Variants in PC observed in about 807,000 individuals in gnomAD.
PC encodes pyruvate carboxylase, mitochondrial.
A neutral mutation model predicts 107.8 loss-of-function variants in PC; 46 were observed. That is an observed-to-expected ratio of 0.43 (90% CI 0.34 to 0.55). The LOEUF is 0.55. Among genes scored for constraint, PC ranks in the 20% least tolerant of loss-of-function variants. PC has a pLI of 0.04. For missense variants in PC, 1,241 were observed against 1,643.1 expected (o/e 0.76, Z 4.23); for synonymous variants, 662 against 684.7 (o/e 0.97, Z 0.52).
chr11:66,956,011 G>C (rs1044092515), intron 1 of PC, among the ~76,000 whole-genome samples: 2 of 152,030 alleles, frequency 1.3e-5, no homozygotes, highest in Non-Finnish European at 2.9e-5. Context: ...GACCTCAGGT[G>C]ATCCACCCGC....
At chr11:66,895,003 CAA>C (rs1947705206) in intron 3 of PC, among the ~76,000 whole-genome samples, 1 of 137,968 alleles carries the variant, frequency 7.2e-6, no homozygotes, top group African/African-American at 2.8e-5. Flanking sequence ...GCCTGGGTGA[CAA>C]GAGTTAAAAC....
In PC at chr11:66,871,365, A is replaced by C; in HGVS notation, c.437T>G (p.Val146Gly). Residue 146 changes from valine (V) to glycine (G), a missense_variant, in exon 6 of 23, where the codon GTC becomes GGC. Transcript: ENST00000393960. The surrounding 1 kb of genome is among the most constrained non-coding windows in gnomAD (Gnocchi z 7.4). The stretch of plus-strand genomic sequence containing the variant: ...CTCCACCTTGTCTCCCATCTTGCGG[A>C]CCACTTCTGGGCTTGGCCCAATAAA... The part of the protein sequence containing the change: ...VRFIGPSPEV[V>G]RKMGDKVEAR... 1 of 1,613,784 alleles carries C rather than the reference A, an allele frequency of 6.2e-7. No individual in the cohort carries two copies. Among genetic ancestry groups the C allele is most frequent in the Non-Finnish European group, 8.5e-7 (1 of 1,180,002 alleles).
At chr11:66,910,766 G>A (rs1434020901) in intron 3 of PC, among the ~76,000 whole-genome samples, 1 of 152,162 alleles carries the variant, frequency 6.6e-6, no homozygotes, top group African/African-American at 2.4e-5. Flanking sequence ...CCAGGCCAGA[G>A]AGCAAAGGCT....
intron 3 of PC, among the ~76,000 whole-genome samples, chr11:66,924,868 T>C (rs1375194130): frequency 6.6e-6 from 1 of 152,194 alleles, no homozygotes; most frequent in Non-Finnish European, 1.5e-5. Flanking sequence ...GTCAGGTAGG[T>C]TCTTTTCTAT....
At chr11:66,936,103 C>T (rs1948995721) in intron 3 of PC, among the ~76,000 whole-genome samples, 1 of 146,534 alleles carries the variant, frequency 6.8e-6, no homozygotes, top group Non-Finnish European at 1.5e-5. Flanking sequence ...AAAAAATCAG[C>T]TGGGTGTGGT....
chr11:66,880,486 T>C (rs1332698507), intron 3 of PC, among the ~76,000 whole-genome samples: 4 of 152,060 alleles, frequency 2.6e-5, no homozygotes, highest in Non-Finnish European at 5.9e-5. Flanking sequence ...CCCTCGGAAG[T>C]GGCAGCAGAG....
intron 3 of PC, among the ~76,000 whole-genome samples, chr11:66,878,396 A>T (rs1008605136): frequency 3.3e-5 from 5 of 152,198 alleles, no homozygotes; most frequent in Non-Finnish European, 7.4e-5. Context: ...TTCCATGCAA[A>T]GAAAGAGATT....
Position 66,853,449 on chromosome 11 carries a change from A to C in PC, c.1369-66T>G. 3 of 1,589,856 alleles carry C rather than the reference A, an allele frequency of 1.9e-6. No individual in the cohort carries two copies. The South Asian group carries it at 3.3e-5, about 18-fold the overall frequency. ...ACAGACAGGGAAGGCAGAGGAGAAA[A>C]GGCTGAAAGAGAAAAGGCTGAAGAT... is the stretch of plus-strand genomic sequence containing the variant. On this transcript the variant is annotated intron_variant, in intron 12 of 22. Coordinates refer to ENST00000393960, the MANE Select transcript of PC (RefSeq NM_001040716.2).
rs188751384 is a variant in PC at position 66,947,520 on chromosome 11, C to T, written c.-1+4910G>A. 2.5e-4 allele frequency among the ~76,000 whole-genome samples: 37 copies of T among 149,938 alleles called. No homozygotes were observed. In the East Asian group the frequency reaches 6.7e-3, roughly 27 times the overall value. On this transcript the variant is annotated intron_variant, in intron 3 of 22. Transcript: ENST00000393960. ...AGCTTGCAGTGAGCCGAGATCGTGCCACTGCACTCCAGCCTGTGCGACAGA... is the reference window on the plus strand; with the variant it reads ...AGCTTGCAGTGAGCCGAGATCGTGCTACTGCACTCCAGCCTGTGCGACAGA...
chr11:66,853,482 T>A, intron 12 of PC, 99 bp from the exon 13 acceptor site: 2 of 1,423,892 alleles, frequency 1.4e-6, no homozygotes, highest in Non-Finnish European at 2.0e-6. Flanking sequence ...GATGCTGCCC[T>A]GGGCCAGCAC....
At position 66,872,179 on chromosome 11, in the gene PC, C is replaced by A. The variant is rs1335849102; in HGVS notation, c.1-20G>T. On this transcript the variant is annotated intron_variant, in intron 3 of 22. Coordinates refer to ENST00000393960, the MANE Select transcript of PC (RefSeq NM_001040716.2). ...CAGCATCTAGGGAGGGAAGTTAGAG[C>A]CCAGGTTAGCGCAGCCTCAGCACTG... The A allele has an allele frequency of 6.4e-7, 1 of 1,570,712 alleles. No individual in the cohort carries two copies. The highest frequency in any genetic ancestry group is 1.9e-5 in the Admixed American group (1 of 53,822).
chr11:66,862,885 G>A (rs1286250393), intron 12 of PC, among the ~76,000 whole-genome samples: 2 of 152,210 alleles, frequency 1.3e-5, no homozygotes, highest in Admixed American at 6.5e-5. Flanking sequence ...TCTCTGCTGC[G>A]CCCCCACCCT....
At chr11:66,879,061 C>A (rs1428001613) in intron 3 of PC, among the ~76,000 whole-genome samples, 2 of 152,204 alleles carry the variant, frequency 1.3e-5, no homozygotes, top group African/African-American at 4.8e-5. Flanking sequence ...CTGTCACTAT[C>A]TTCCCAACTC....
chr11:66,911,003 G>A (rs1948319961), intron 3 of PC, among the ~76,000 whole-genome samples: 2 of 152,232 alleles, frequency 1.3e-5, no homozygotes, highest in Admixed American at 1.3e-4. Flanking sequence ...TCTATAAAAT[G>A]CAGAATGATC....
intron 3 of PC, among the ~76,000 whole-genome samples, chr11:66,942,301 GAGGC>G (rs1949159541): frequency 6.6e-6 from 1 of 150,902 alleles, no homozygotes; most frequent in African/African-American, 2.5e-5. Context: ...TCGGGAGGCT[GAGGC>G]AGGAGAATGG....
At chr11:66,927,325 T>G (rs1279964897) in intron 3 of PC, among the ~76,000 whole-genome samples, 1 of 150,186 alleles carries the variant, frequency 6.7e-6, no homozygotes, top group Non-Finnish European at 1.5e-5. Flanking sequence ...GCCACACCAG[T>G]GTACTCCCGT....
chr11:66,864,347 C>T (rs575946780), intron 11 of PC, among the ~76,000 whole-genome samples: 5 of 152,356 alleles, frequency 3.3e-5, no homozygotes, highest in Non-Finnish European at 4.4e-5. Flanking sequence ...TTCCACAGCA[C>T]GGATTGAGGT....
chr11:66,850,582 G>A, intron 18 of PC, 92 bp downstream of exon 18: 3 of 1,600,054 alleles, frequency 1.9e-6, no homozygotes, highest in South Asian at 1.1e-5. Context: ...CCAGAGCAGG[G>A]CATCTGGATC....
chr11:66,898,655 G>C (rs1181656707), intron 3 of PC, among the ~76,000 whole-genome samples: 2 of 152,184 alleles, frequency 1.3e-5, no homozygotes, highest in Non-Finnish European at 2.9e-5. Flanking sequence ...ATTCCAGCCT[G>C]GGCGACAGAG....
Sources: gnomAD v4.1 joint callset for allele counts (sites outside exome capture counted in the v4.1 genomes callset) on GRCh38, gnomAD v4.1.1 for gene constraint, Gnocchi (gnomAD v3.1) non-coding constraint, MANE v1.5 for transcripts, NCBI Gene and HGNC (gene_info 2026-07-23, HGNC 2026-07-21) for gene names.